Variants in PLXNC1 observed in about 807,000 individuals in gnomAD.
PLXNC1 encodes the protein plexin C1, also known as plexin-C1.
PLXNC1 carries 75 observed loss-of-function variants against 178.2 expected under a neutral mutation model. The ratio of observed to expected loss-of-function variants is 0.42; its 90% confidence interval spans 0.35 to 0.51. PLXNC1 has a LOEUF of 0.51. Among genes scored for constraint, PLXNC1 ranks in the 20% least tolerant of loss-of-function variants. PLXNC1 has a pLI of 0.02. For missense variants in PLXNC1, 1,503 were observed against 1,984.4 expected (o/e 0.76, Z 4.61); for synonymous variants, 790 against 779.9 (o/e 1.01, Z -0.22).
chr12:94,174,561 A>C (rs1961977311), intron 2 of PLXNC1, among the ~76,000 whole-genome samples: 1 of 152,186 alleles, frequency 6.6e-6, no homozygotes, highest in African/African-American at 2.4e-5. Context: ...CAGAAGCAAA[A>C]ACTCTGTACT....
At chr12:94,252,836 T>C (rs1964734482) in intron 15 of PLXNC1, among the ~76,000 whole-genome samples, 1 of 152,206 alleles carries the variant, frequency 6.6e-6, no homozygotes, top group Non-Finnish European at 1.5e-5. Context: ...CCATTTCGTT[T>C]GTGACTCTGG....
At chr12:94,217,725 T>G (rs539189221) in intron 5 of PLXNC1, among the ~76,000 whole-genome samples, 8 of 152,310 alleles carry the variant, frequency 5.3e-5, no homozygotes, top group African/African-American at 1.4e-4. Context: ...CCCTTTTCAT[T>G]GTACCATCTT....
chr12:94,163,085 G>A (rs746897747), intron 1 of PLXNC1, among the ~76,000 whole-genome samples: 27 of 152,134 alleles, frequency 1.8e-4, no homozygotes, highest in Non-Finnish European at 2.2e-4. Context: ...AGAACCTAGG[G>A]CCAGGTGCGG....
At chr12:94,220,435 G>A (rs1412127189) in intron 6 of PLXNC1, among the ~76,000 whole-genome samples, 1 of 152,168 alleles carries the variant, frequency 6.6e-6, no homozygotes, top group Non-Finnish European at 1.5e-5. Context: ...GCACTGGGCC[G>A]ACTACCCAAA....
intron 1 of PLXNC1, among the ~76,000 whole-genome samples, chr12:94,157,870 G>A (rs1168667103): frequency 6.6e-6 from 1 of 152,212 alleles, no homozygotes; most frequent in African/African-American, 2.4e-5. Flanking sequence ...TAAATGAGCA[G>A]GTAGGGCTGT....
At chr12:94,208,129 T>C (rs7298875) in intron 4 of PLXNC1, among the ~76,000 whole-genome samples, 141,904 of 152,306 alleles carry the variant, frequency 0.93, 66,205 homozygotes, top group East Asian at 1. Context: ...ACTTAATGTC[T>C]TTGACGGATG....
intron 4 of PLXNC1, among the ~76,000 whole-genome samples, chr12:94,205,963 G>A (rs1963286458): frequency 6.6e-6 from 1 of 152,212 alleles, no homozygotes; most frequent in Non-Finnish European, 1.5e-5. Flanking sequence ...CAGCTATGTG[G>A]CCTTGATATG....
Position 94,278,926 on chromosome 12 carries a change from A to T in PLXNC1, c.3598-546A>T, listed in dbSNP as rs1241578453. Among the ~76,000 whole-genome samples the T allele has an allele frequency of 3.3e-5, 5 of 152,106 alleles. No homozygotes were observed. The East Asian group carries it at 9.7e-4, about 29-fold the overall frequency. ...GGCAGGAGAATTGCTTGAACCCAGGAGGCGGAGGTTGCAGTGAGCCAAGAT... is the reference window on the plus strand; with the variant it reads ...GGCAGGAGAATTGCTTGAACCCAGGTGGCGGAGGTTGCAGTGAGCCAAGAT... On this transcript the variant is annotated intron_variant, in intron 21 of 30. Transcript: ENST00000258526.
At position 94,292,405 on chromosome 12, in the gene PLXNC1, T is replaced by C. The variant is rs148649970; in HGVS notation, c.3880-2081T>C. Among the ~76,000 whole-genome samples the C allele has an allele frequency of 3.0e-4, 45 of 152,334 alleles. 1 individual carries two copies. In the East Asian group the frequency reaches 8.1e-3, roughly 27 times the overall value. ...AGTATATATTTAATGTGAATAGTCA[T>C]TGAGCTGCACACTTAATATTAGCAA... On this transcript the variant is annotated intron_variant, in intron 23 of 30. Coordinates refer to ENST00000258526, the MANE Select transcript of PLXNC1 (RefSeq NM_005761.3).
Position 94,279,531 on chromosome 12 carries a change from T to C in PLXNC1, c.3657T>C (p.Asn1219=), listed in dbSNP as rs139188183. ...ACGAGAGTGCAGATGTCTGTCGGAA[T>C]ATTTCAGTCAATGTTCTCGACTGTG... The part of the protein sequence containing the change: ...PENESADVCR[N]ISVNVLDCDT... The change falls in exon 22 of 31, where the codon AAT becomes AAC. Residue 1219 remains asparagine (N), a synonymous_variant. Transcript: ENST00000258526. The C allele has an allele frequency of 9.7e-4, 1,561 of 1,614,226 alleles. No homozygotes were observed. The highest frequency in any genetic ancestry group is 1.2e-3 in the Non-Finnish European group (1,458 of 1,180,006).
At chr12:94,235,320 A>T (rs1246794809) in intron 9 of PLXNC1, among the ~76,000 whole-genome samples, 1 of 152,266 alleles carries the variant, frequency 6.6e-6, no homozygotes, top group Non-Finnish European at 1.5e-5. Context: ...GGAGCAAAAT[A>T]TAACTTCCTT....
At chr12:94,268,726 C>G (rs1259533309) in intron 21 of PLXNC1, among the ~76,000 whole-genome samples, 1 of 151,042 alleles carries the variant, frequency 6.6e-6, no homozygotes, top group African/African-American at 2.4e-5. Flanking sequence ...TCCCAAATAC[C>G]TGGGATTATA....
At chr12:94,289,584 T>C (rs1219311978) in intron 23 of PLXNC1, among the ~76,000 whole-genome samples, 2 of 152,190 alleles carry the variant, frequency 1.3e-5, no homozygotes, top group Non-Finnish European at 2.9e-5. Context: ...TGAGTCACTC[T>C]TAGAAGAGCA....
intron 1 of PLXNC1, among the ~76,000 whole-genome samples, chr12:94,157,796 T>A (rs1961229886): frequency 6.6e-6 from 1 of 152,190 alleles, no homozygotes; most frequent in Admixed American, 6.5e-5. Flanking sequence ...GCAGGCTGCA[T>A]ACAGTCTCTA....
At chr12:94,284,706 C>G (rs1966718917) in intron 23 of PLXNC1, among the ~76,000 whole-genome samples, 1 of 151,980 alleles carries the variant, frequency 6.6e-6, no homozygotes. Flanking sequence ...GGATAGTTGG[C>G]TGTAGGGTCT....
intron 27 of PLXNC1, among the ~76,000 whole-genome samples, chr12:94,299,199 G>A (rs757441904): frequency 1.8e-4 from 28 of 152,262 alleles, no homozygotes; most frequent in Non-Finnish European, 3.4e-4. Flanking sequence ...CTCTGATTCT[G>A]TACAGAAATT....
intron 6 of PLXNC1, 91 bp from the exon 7 acceptor site, chr12:94,224,137 A>T (rs1023675073): frequency 1.2e-6 from 1 of 821,510 alleles, no homozygotes; most frequent in African/African-American, 1.7e-5. Flanking sequence ...ATGCAGAGGA[A>T]GCAAAAATAT....
rs61194621 is a variant in PLXNC1, at chr12:94,267,777, C to T, written c.3597+2552C>T. ...TATAAAAAATTTAAGTTTTTCATTT[C>T]CTTTCAGGCATTTCCCCCAGCCTGA... On this transcript the variant is annotated intron_variant, in intron 21 of 30. Coordinates refer to ENST00000258526, the MANE Select transcript of PLXNC1 (RefSeq NM_005761.3). Among the ~76,000 whole-genome samples the T allele has an allele frequency of 4.2e-3, 640 of 152,262 alleles. 3 individuals carry two copies. The highest frequency in any genetic ancestry group is 0.015 in the African/African-American group (603 of 41,548).
chr12:94,216,442 A>G (rs1295297442), intron 5 of PLXNC1, among the ~76,000 whole-genome samples: 1 of 152,230 alleles, frequency 6.6e-6, no homozygotes, highest in Admixed American at 6.5e-5. Context: ...CAGAAAGTAG[A>G]TATAAATATG....
Sources: allele counts gnomAD v4.1 joint callset (sites outside exome capture counted in the v4.1 genomes callset), GRCh38; gene constraint gnomAD v4.1.1; transcripts MANE v1.5; gene names NCBI Gene and HGNC (gene_info 2026-07-23, HGNC 2026-07-21).